HDX: variants seen among roughly 807,000 people sequenced by gnomAD.
The protein encoded by HDX is highly divergent homeobox.
In HDX, 19 loss-of-function variants were observed where a neutral mutation model predicts 45.2. The ratio of observed to expected loss-of-function variants is 0.42; its 90% CI spans 0.29 to 0.62. The LOEUF (loss-of-function observed/expected upper bound fraction) is 0.62, where lower values mean the gene tolerates loss of function less well. Among genes scored for constraint, HDX ranks in the 20% least tolerant of loss-of-function variants. The probability of loss-of-function intolerance (pLI) is 0.20; values close to 1 mark genes in which losing one functional copy is unlikely to be tolerated. For synonymous variants in HDX, 188 were observed against 172.8 expected (o/e 1.09, Z -0.69); for missense variants, 532 against 493.9 (o/e 1.08, Z -0.73).
chrX:84,460,766 A>G (rs1473532255), intron 4 of HDX, among the ~76,000 whole-genome samples: 1 of 112,070 alleles, frequency 8.9e-6, no homozygotes, highest in Non-Finnish European at 1.9e-5. Context: ...TTGTTTGCAG[A>G]TGATATAATC....
At chrX:84,461,845 G>C (rs1276452636) in intron 4 of HDX, among the ~76,000 whole-genome samples, 1 of 112,190 alleles carries the variant, frequency 8.9e-6, no homozygotes, top group Non-Finnish European at 1.9e-5. Flanking sequence ...ATCTGATTAA[G>C]TAATGGGCAA....
chrX:84,373,904 G>A (rs1178285411), intron 5 of HDX, among the ~76,000 whole-genome samples: 1 of 109,697 alleles, frequency 9.1e-6, no homozygotes, highest in South Asian at 4.0e-4. Flanking sequence ...GGAAGTTCTG[G>A]CCAGGGCAAT....
intron 5 of HDX, among the ~76,000 whole-genome samples, chrX:84,374,497 T>G (rs763345215): frequency 9.2e-6 from 1 of 109,130 alleles, no homozygotes; most frequent in African/African-American, 3.4e-5. Context: ...TCATGCTACC[T>G]GACTTCAAAC....
intron 1 of HDX, among the ~76,000 whole-genome samples, chrX:84,497,839 G>T (rs1319690426): frequency 9.0e-6 from 1 of 110,962 alleles, no homozygotes; most frequent in Non-Finnish European, 1.9e-5. Flanking sequence ...TGAGCATACA[G>T]TGTCTAGAAT....
intron 5 of HDX, among the ~76,000 whole-genome samples, chrX:84,365,749 T>G (rs1417864303): frequency 8.9e-6 from 1 of 112,145 alleles, no homozygotes; most frequent in African/African-American, 3.2e-5. Flanking sequence ...GCCTTAATTT[T>G]AGGCCTTAGA....
chrX:84,477,579 A>G (rs1183068959), intron 2 of HDX, among the ~76,000 whole-genome samples: 2 of 111,234 alleles, frequency 1.8e-5, no homozygotes, highest in East Asian at 5.7e-4. Flanking sequence ...AAGATCTACT[A>G]TATTATAGGA....
intron 9 of HDX, among the ~76,000 whole-genome samples, chrX:84,329,162 T>G (rs1293607913): frequency 8.9e-6 from 1 of 111,837 alleles, no homozygotes; most frequent in Non-Finnish European, 1.9e-5. Context: ...GTGTTTCTTA[T>G]CAGACTTAAA....
rs181688563 is a variant in HDX at position 84,352,543 on chromosome X, T to A, written c.1453-8086A>T. 2.6e-3 allele frequency among the ~76,000 whole-genome samples: 287 copies of A among 111,639 alleles called. 2 individuals are homozygous for A. The highest frequency in any genetic ancestry group is 9.0e-3 in the African/African-American group (277 of 30,802). On this transcript the variant is annotated intron_variant, in intron 6 of 10. Coordinates refer to ENST00000373177, the MANE Select transcript of HDX (RefSeq NM_001177479.2). The stretch of plus-strand genomic sequence containing the variant: ...ATATATTTACGAGGCACATGAGACA[T>A]TTTGGTACAGGCATGCAAAGCATAA...
Position 84,476,448 on chromosome X carries a change from G to A in HDX, c.1-1051C>T, listed in dbSNP as rs192654500. Among the ~76,000 whole-genome samples the A allele has an allele frequency of 3.8e-3, 412 of 107,046 alleles. 2 individuals carry two copies. The highest frequency in any genetic ancestry group is 0.013 in the African/African-American group (385 of 29,334). The allele number at this position is 107,046 out of a possible 115,157, so 93.0% of individuals were successfully genotyped here. A position where few individuals can be genotyped will look rare whatever the true frequency, so the allele number is the denominator to read the frequency against. ...TGGTCCCTGCTACTTGGGAGGCTGA[G>A]GTAGGAGGATTGCTTGAGCCCCAGA... On this transcript the variant is annotated intron_variant, in intron 2 of 10. Transcript: ENST00000373177.
At chrX:84,363,197 T>G (rs908543480) in intron 5 of HDX, among the ~76,000 whole-genome samples, 3 of 111,939 alleles carry the variant, frequency 2.7e-5, no homozygotes, top group Admixed American at 9.6e-5. Context: ...TTAAGAAGAC[T>G]AATCCTCTAG....
chrX:84,464,986 A>G (rs961250915), intron 4 of HDX, among the ~76,000 whole-genome samples: 1 of 112,281 alleles, frequency 8.9e-6, no homozygotes, highest in African/African-American at 3.2e-5. Context: ...CAAGAAAAAA[A>G]CAACCCCATC....
At chrX:84,483,007 G>A (rs949180769) in intron 2 of HDX, among the ~76,000 whole-genome samples, 1 of 112,016 alleles carries the variant, frequency 8.9e-6, no homozygotes, top group African/African-American at 3.2e-5. Context: ...GTTCCAAAGT[G>A]ATCTCCTTTG....
chrX:84,323,999 C>T (rs1046691241), intron 10 of HDX, among the ~76,000 whole-genome samples: 1 of 112,237 alleles, frequency 8.9e-6, no homozygotes. Context: ...GTTCAAGAAA[C>T]GCAATTGATC....
At chrX:84,352,414 A>C (rs2037381105) in intron 6 of HDX, among the ~76,000 whole-genome samples, 1 of 112,170 alleles carries the variant, frequency 8.9e-6, no homozygotes, top group African/African-American at 3.2e-5. Context: ...TAGCTTTGAT[A>C]ATTTCTTTCA....
chrX:84,434,112 A>C (rs2148042503), intron 5 of HDX, among the ~76,000 whole-genome samples: 1 of 111,118 alleles, frequency 9.0e-6, no homozygotes, highest in Admixed American at 9.6e-5. Context: ...TATGTATGAG[A>C]TTACATTGTC....
chrX:84,442,211 A>G (rs774433038), intron 4 of HDX, among the ~76,000 whole-genome samples: 27 of 111,579 alleles, frequency 2.4e-4, no homozygotes, highest in Non-Finnish European at 4.0e-4. Flanking sequence ...TGAAGTGAGA[A>G]CAAGGCATTC....
At chrX:84,356,789 A>AT (rs1400162074) in intron 6 of HDX, among the ~76,000 whole-genome samples, 5 of 108,967 alleles carry the variant, frequency 4.6e-5, no homozygotes, top group South Asian at 4.1e-4. Flanking sequence ...CGCCTGGCTA[A>AT]TTTTTTGTAT....
intron 6 of HDX, among the ~76,000 whole-genome samples, chrX:84,357,961 G>C (rs774523078): frequency 1.8e-5 from 2 of 111,622 alleles, no homozygotes; most frequent in Non-Finnish European, 3.8e-5. Context: ...CCTTGAGTAT[G>C]TATGCTATCA....
At chrX:84,366,087 T>C (rs2037744795) in intron 5 of HDX, among the ~76,000 whole-genome samples, 1 of 111,451 alleles carries the variant, frequency 9.0e-6, no homozygotes, top group African/African-American at 3.3e-5. Context: ...GAAAACCCCA[T>C]TGTCTCAGCC....
Sources: allele counts gnomAD v4.1 joint callset (sites outside exome capture counted in the v4.1 genomes callset), GRCh38; gene constraint gnomAD v4.1.1; transcripts MANE v1.5; gene names NCBI Gene and HGNC (gene_info 2026-07-23, HGNC 2026-07-21).